The following TAF15 variants were observed in gnomAD, a reference collection of about 807,000 sequenced individuals.
TAF15 encodes the protein TATA-box binding protein associated factor 15, also known as TATA-binding protein-associated factor 2N.
In TAF15, 37 loss-of-function variants were observed where a neutral mutation model predicts 102.5. The ratio of observed to expected loss-of-function variants is 0.36; its 90% CI spans 0.28 to 0.47. The LOEUF is 0.47. Among genes scored for constraint, TAF15 ranks in the 20% least tolerant of loss-of-function variants. The probability of loss-of-function intolerance (pLI) is 0.99; values close to 1 mark genes in which losing one functional copy is unlikely to be tolerated. For missense variants in TAF15, 652 were observed against 760.7 expected (o/e 0.86, Z 1.68); for synonymous variants, 273 against 259.2 (o/e 1.05, Z -0.51).
In TAF15 at chr17:35,822,668, C is replaced by G; in HGVS notation, c.319C>G (p.Gln107Glu). The G allele has an allele frequency of 6.2e-7, 1 of 1,614,028 alleles. No homozygotes were observed. The highest frequency in any genetic ancestry group is 8.5e-7 in the Non-Finnish European group (1 of 1,179,950). The change falls in exon 6 of 16, where the codon CAG (glutamine) becomes GAG (glutamate). Residue 107 changes from glutamine to glutamate, a missense_variant. This residue lies in a region of TAF15 where 243 missense variants were observed against 284.1 expected (regional missense o/e 0.86). Coordinates refer to ENST00000605844, the MANE Select transcript of TAF15 (RefSeq NM_139215.3). ...AGGTGGAAGAGCACCTTCCTATGAC[C>G]AGCCAGACTATGGTCAACAAGATTC... Reference protein sequence around the residue: ...SQGGRAPSYDQPDYGQQDSYD... With the variant: ...SQGGRAPSYDEPDYGQQDSYD...
chr17:35,819,980 A>G, intron 2 of TAF15, 44 bp from the exon 3 acceptor site: 1 of 1,585,690 alleles, frequency 6.3e-7, no homozygotes, highest in Non-Finnish European at 8.6e-7. Flanking sequence ...TAAACTTTAA[A>G]ATTTCTACAC....
chr17:35,823,550 A>C (rs1322018053), intron 6 of TAF15: 2 of 167,220 alleles, frequency 1.2e-5, no homozygotes, highest in Admixed American at 1.2e-4. Flanking sequence ...ATACAAAAAA[A>C]AAAAATTAGC....
intron 11 of TAF15, among the ~76,000 whole-genome samples, chr17:35,840,187 T>C (rs1276422539): frequency 6.6e-6 from 1 of 151,950 alleles, no homozygotes; most frequent in Non-Finnish European, 1.5e-5. Flanking sequence ...CACTTGCAGT[T>C]CCTTTCAGTT....
rs546493309 is a variant in TAF15, at chr17:35,838,337, T to TA, written c.784-79dup. On this transcript the variant is annotated intron_variant, in intron 10 of 15. Coordinates refer to ENST00000605844, the MANE Select transcript of TAF15 (RefSeq NM_139215.3). ...ATAGTATGAATGTGTGAATTCCTTG[T>TA]AAAAAAAATAAATCTTTGATTATCT... 486 of 1,560,292 alleles carry TA rather than the reference T, an allele frequency of 3.1e-4. 1 individual carries two copies. The highest frequency in any genetic ancestry group is 2.2e-4 in the East Asian group (10 of 44,490).
chr17:35,829,802 C>A (rs374684632), intron 7 of TAF15, among the ~76,000 whole-genome samples: 52 of 152,056 alleles, frequency 3.4e-4, no homozygotes, highest in Middle Eastern at 3.4e-3. Flanking sequence ...GTGGGCTGCT[C>A]GTTGTGGTTT....
intron 11 of TAF15, among the ~76,000 whole-genome samples, chr17:35,841,011 A>G (rs1157209667): frequency 6.6e-6 from 1 of 152,254 alleles, no homozygotes; most frequent in Admixed American, 6.5e-5. Context: ...AATGAGAGAA[A>G]TGAATCATGA....
intron 12 of TAF15, among the ~76,000 whole-genome samples, chr17:35,843,185 G>A (rs564992527): frequency 4.8e-4 from 72 of 151,516 alleles, no homozygotes; most frequent in African/African-American, 1.7e-3. Flanking sequence ...GTACAATGGC[G>A]CGTTCTTGGC....
At position 35,820,483 on chromosome 17, in the gene TAF15, A is replaced by G. The variant is rs781032443; in HGVS notation, c.290+46A>G. The G allele has an allele frequency of 1.9e-6, 3 of 1,551,796 alleles. No homozygotes were observed. In the Admixed American group the frequency reaches 5.0e-5, roughly 26 times the overall value. On this transcript the variant is annotated intron_variant, in intron 5 of 15. Coordinates refer to ENST00000605844, the MANE Select transcript of TAF15 (RefSeq NM_139215.3). ...TGAGATTGTTTTGGGCAGTGGAAATAACACTGATATTAAACAGATTTAACC... is the reference window on the plus strand; with the variant it reads ...TGAGATTGTTTTGGGCAGTGGAAATGACACTGATATTAAACAGATTTAACC...
intron 15 of TAF15, 106 bp downstream of exon 15, chr17:35,845,144 A>T: frequency 7.2e-7 from 1 of 1,396,464 alleles, no homozygotes; most frequent in African/African-American, 1.4e-5. Context: ...TCCCATTGCC[A>T]GTTCTCTCAG....
At chr17:35,837,176 G>A (rs1237978982) in intron 10 of TAF15, among the ~76,000 whole-genome samples, 1 of 151,610 alleles carries the variant, frequency 6.6e-6, no homozygotes, top group Non-Finnish European at 1.5e-5. Context: ...TTGAGACAGG[G>A]TCTTGCTTCA....
chr17:35,836,296 A>C (rs2087473946), intron 10 of TAF15, 55 bp downstream of exon 10: 1 of 1,274,114 alleles, frequency 7.8e-7, no homozygotes, highest in Admixed American at 1.7e-5. Context: ...TGATTACAAT[A>C]CATAGACTAT....
chr17:35,844,009 T>C, intron 12 of TAF15, 68 bp from the exon 13 acceptor site: 1 of 1,362,722 alleles, frequency 7.3e-7, no homozygotes, highest in Non-Finnish European at 1.1e-6. Flanking sequence ...TCTTATGTTA[T>C]CTGATGCTTT....
chr17:35,823,414 G>A lies in TAF15; in HGVS notation c.484+581G>A, dbSNP rs191998516. On this transcript the variant is annotated intron_variant, in intron 6 of 15. Coordinates refer to ENST00000605844, the MANE Select transcript of TAF15 (RefSeq NM_139215.3). ...GAAGAAAGTGGTAACTTTTAAGATT[G>A]GGGGGCCGGGCGCAGTGGCTCACGC... Among the ~76,000 whole-genome samples, 3 of 152,146 alleles carry A rather than the reference G, an allele frequency of 2.0e-5. No homozygotes were observed. In the East Asian group the frequency reaches 5.8e-4, roughly 29 times the overall value.
intron 10 of TAF15, among the ~76,000 whole-genome samples, chr17:35,836,843 T>C (rs1330127028): frequency 6.6e-6 from 1 of 152,024 alleles, no homozygotes; most frequent in Non-Finnish European, 1.5e-5. Flanking sequence ...AGTGGCGCGA[T>C]GTCGGCTCAC....
At position 35,838,519 on chromosome 17, in the gene TAF15, T is replaced by A. The variant is rs2087503015; in HGVS notation, c.879T>A (p.Pro293=). ...AGGCAACAGTGTCATTTGATGACCC[T>A]CCTTCAGCTAAGGCAGCCATTGACT... The part of the protein sequence containing the change: ...KGEATVSFDD[P]PSAKAAIDWF... Residue 293 remains proline, a synonymous_variant, in exon 11 of 16, where the codon CCT becomes CCA. Coordinates refer to ENST00000605844, the MANE Select transcript of TAF15 (RefSeq NM_139215.3). 1 of 1,614,196 alleles carries A rather than the reference T, an allele frequency of 6.2e-7. No individual in the cohort carries two copies. The highest frequency in any genetic ancestry group is 8.5e-7 in the Non-Finnish European group (1 of 1,180,026).
rs972889301 is a variant in TAF15 at position 35,825,731 on chromosome 17, G to A, written c.605+1533G>A. ...TGGGAGGCCGAGGCGGGCGGATCAC[G>A]AGGTCAGGAGATGGAGACCATCCTG... is the stretch of plus-strand genomic sequence containing the variant. On this transcript the variant is annotated intron_variant, in intron 7 of 15. Transcript: ENST00000605844. Among the ~76,000 whole-genome samples, 5 of 152,096 alleles carry A rather than the reference G, an allele frequency of 3.3e-5. 1 individual carries two copies.
chr17:35,828,392 CTATT>C (rs764383491), intron 7 of TAF15, among the ~76,000 whole-genome samples: 3 of 152,126 alleles, frequency 2.0e-5, no homozygotes, highest in Non-Finnish European at 2.9e-5. Context: ...ATGAGAAAAT[CTATT>C]TAACTCAATA....
chr17:35,829,318 TTTTA>T (rs1360688602), intron 7 of TAF15, among the ~76,000 whole-genome samples: 2 of 151,230 alleles, frequency 1.3e-5, no homozygotes, highest in African/African-American at 4.8e-5. Flanking sequence ...TTTATTTTAT[TTTTA>T]TTATTTTTTT....
intron 5 of TAF15, among the ~76,000 whole-genome samples, chr17:35,821,553 G>T (rs2087257723): frequency 6.8e-6 from 1 of 147,202 alleles, no homozygotes; most frequent in Non-Finnish European, 1.5e-5. Context: ...CTCTGGTGAA[G>T]AATAAAATGT....
Sources: allele counts gnomAD v4.1 joint callset (sites outside exome capture counted in the v4.1 genomes callset), GRCh38; gene constraint gnomAD v4.1.1; regional missense constraint gnomAD v4.1.1; transcripts MANE v1.5; gene names NCBI Gene and HGNC (gene_info 2026-07-23, HGNC 2026-07-21).